Variants in CHN2 observed in about 807,000 individuals in gnomAD.
The protein encoded by CHN2 is chimerin 2.
In CHN2, 35 loss-of-function variants were observed where a neutral mutation model predicts 56.3. The ratio of observed to expected loss-of-function variants is 0.62; its 90% confidence interval spans 0.47 to 0.82. The LOEUF is 0.82. Ranked by LOEUF, CHN2 falls within the 40% of genes least tolerant of loss-of-function variation. The probability of loss-of-function intolerance (pLI) is 0.00; values close to 1 mark genes in which losing one functional copy is unlikely to be tolerated. For synonymous variants in CHN2, 210 were observed against 212.8 expected (o/e 0.99, Z 0.12); for missense variants, 491 against 580.5 (o/e 0.85, Z 1.58).
intron 6 of CHN2, among the ~76,000 whole-genome samples, chr7:29,411,651 A>T (rs1312614398): frequency 6.6e-6 from 1 of 152,174 alleles, no homozygotes; most frequent in African/African-American, 2.4e-5. Context: ...GAGTTCCAGG[A>T]GCCAGGCCTT....
intron 1 of CHN2, among the ~76,000 whole-genome samples, chr7:29,299,704 A>G (rs944955659): frequency 3.3e-5 from 5 of 152,194 alleles, no homozygotes; most frequent in African/African-American, 1.2e-4. Flanking sequence ...TGAGGTTACT[A>G]ATATTGCTTG....
intron 9 of CHN2, among the ~76,000 whole-genome samples, chr7:29,503,106 C>T (rs1364973122): frequency 6.6e-6 from 1 of 152,050 alleles, no homozygotes; most frequent in Non-Finnish European, 1.5e-5. Flanking sequence ...CATATTGAAG[C>T]CCTAATCTCC....
intron 3 of CHN2, among the ~76,000 whole-genome samples, chr7:29,371,518 A>G (rs957037734): frequency 3.3e-5 from 5 of 152,184 alleles, no homozygotes; most frequent in Admixed American, 6.5e-5. Flanking sequence ...TCCATCAACT[A>G]TCAGTCAGTC....
chr7:29,241,227 C>T (rs921014391), intron 1 of CHN2, among the ~76,000 whole-genome samples: 4 of 152,018 alleles, frequency 2.6e-5, no homozygotes, highest in Non-Finnish European at 4.4e-5. Context: ...GTTCTTTGTC[C>T]CATGGCCATG....
chr7:29,276,555 G>A (rs1329664464), intron 1 of CHN2, among the ~76,000 whole-genome samples: 1 of 152,188 alleles, frequency 6.6e-6, no homozygotes, highest in Non-Finnish European at 1.5e-5. Context: ...CTTAAAAACT[G>A]TGTGGTTGCA....
chr7:29,299,548 CA>C (rs1477487969), intron 1 of CHN2, among the ~76,000 whole-genome samples: 1 of 152,050 alleles, frequency 6.6e-6, no homozygotes, highest in Non-Finnish European at 1.5e-5. Context: ...GCTCATACAT[CA>C]AATAAGGATG....
At chr7:29,197,377 G>T (rs1281581395) in intron 1 of CHN2, among the ~76,000 whole-genome samples, 1 of 152,172 alleles carries the variant, frequency 6.6e-6, no homozygotes, top group Non-Finnish European at 1.5e-5. Flanking sequence ...ATCTTGGAGT[G>T]AGTTACTTAA....
At chr7:29,405,307 T>C (rs1692545793) in intron 6 of CHN2, among the ~76,000 whole-genome samples, 1 of 152,104 alleles carries the variant, frequency 6.6e-6, no homozygotes, top group South Asian at 2.1e-4. Context: ...CCATGGGGTC[T>C]TTAACGAAGA....
intron 3 of CHN2, among the ~76,000 whole-genome samples, chr7:29,382,729 G>A (rs944812808): frequency 2.7e-5 from 4 of 147,924 alleles, no homozygotes; most frequent in African/African-American, 7.9e-5. Context: ...AAGTTCAGAG[G>A]CAGGAGACTT....
At position 29,443,511 on chromosome 7, in the gene CHN2, A is replaced by ATG. The variant is rs200495428; in HGVS notation, c.577-36756_577-36755dup. Reference sequence around the variant, plus strand: ...CTCTGTCATTAAGCAATACATGACTATGTGTGTGTGTGTATATATACACAC... The same window carrying ATG: ...CTCTGTCATTAAGCAATACATGACTATGTGTGTGTGTGTGTATATATACACAC... On this transcript the variant is annotated intron_variant, in intron 6 of 12. Transcript: ENST00000222792. 1.3e-3 allele frequency among the ~76,000 whole-genome samples: 192 copies of ATG among 152,002 alleles called. 2 individuals carry two copies. Among genetic ancestry groups the ATG allele is most frequent in the South Asian group, 0.012 (58 of 4,790 alleles).
rs1019835322 is a variant in CHN2 at position 29,146,980 on chromosome 7, C to T, written c.274+20C>T. 1.7e-5 allele frequency: 27 copies of T among 1,550,750 alleles called. 1 individual carries two copies. Among genetic ancestry groups the T allele is most frequent in the Non-Finnish European group, 2.3e-5 (26 of 1,147,044 alleles). ...CTAGCAGTAAGCTCGCACCAAGTGC[C>T]ACTGTCCTGCCAAGCACTCTCCTGA... On this transcript the variant is annotated intron_variant, in intron 2 of 6. Coordinates refer to the CHN2 transcript ENST00000439384.
intron 2 of CHN2, among the ~76,000 whole-genome samples, chr7:29,175,622 C>A (rs1249021076): frequency 6.6e-6 from 1 of 152,102 alleles, no homozygotes; most frequent in African/African-American, 2.4e-5. Context: ...TTCCTCTTAT[C>A]TTTGTAGATT....
At chr7:29,363,575 GC>G (rs1452350157) in intron 2 of CHN2, among the ~76,000 whole-genome samples, 1 of 152,170 alleles carries the variant, frequency 6.6e-6, no homozygotes, top group African/African-American at 2.4e-5. Flanking sequence ...CAACATCCCT[GC>G]CCTCAAAGAG....
chr7:29,513,802 C>T lies in CHN2; in HGVS notation c.*1067C>T, dbSNP rs1791760764. On this transcript the variant is annotated 3_prime_UTR_variant, in exon 13 of 13. Coordinates refer to ENST00000222792, the MANE Select transcript of CHN2 (RefSeq NM_004067.4). ...TGGTTTTTACCAAATATTTGTTCCT[C>T]CTTGACAAAAGTAGCTCTGTGTGGA... 6.6e-6 allele frequency: 1 copy of T among 152,614 alleles called. No homozygotes were observed. The highest frequency in any genetic ancestry group is 2.4e-5 in the African/African-American group (1 of 41,434). 9.5% of individuals were successfully genotyped at this position (152,614 alleles called of 1,614,324 possible).
At chr7:29,231,946 C>T (rs888740970) in intron 1 of CHN2, among the ~76,000 whole-genome samples, 1 of 152,166 alleles carries the variant, frequency 6.6e-6, no homozygotes, top group Non-Finnish European at 1.5e-5. Flanking sequence ...AATAATATTA[C>T]AGAACTGGTC....
intron 6 of CHN2, among the ~76,000 whole-genome samples, chr7:29,417,481 G>A (rs1025002714): frequency 3.3e-5 from 5 of 151,940 alleles, no homozygotes; most frequent in African/African-American, 1.2e-4. Flanking sequence ...GACTACAGGC[G>A]CCCGCCACCA....
intron 1 of CHN2, among the ~76,000 whole-genome samples, chr7:29,213,436 G>A (rs35272463): frequency 0.13 from 20,155 of 152,120 alleles, 1,707 homozygotes; most frequent in Non-Finnish European, 0.19. Context: ...GAGAAAAGAC[G>A]TTTTAATAAC....
intron 6 of CHN2, among the ~76,000 whole-genome samples, chr7:29,467,846 C>A (rs1209623561): frequency 2.6e-5 from 4 of 152,190 alleles, no homozygotes; most frequent in Admixed American, 2.0e-4. Context: ...AAATGGTTAA[C>A]CTGCCTGGCA....
At chr7:29,303,397 G>A (rs555457832) in intron 1 of CHN2, among the ~76,000 whole-genome samples, 2 of 152,246 alleles carry the variant, frequency 1.3e-5, no homozygotes, top group South Asian at 2.1e-4. Context: ...AGTCATTGGC[G>A]CAGGCACACC....
Sources: allele counts gnomAD v4.1 joint callset (sites outside exome capture counted in the v4.1 genomes callset), GRCh38; gene constraint gnomAD v4.1.1; transcripts MANE v1.5; gene names NCBI Gene and HGNC (gene_info 2026-07-23, HGNC 2026-07-21).